Variants in FABP6 observed in about 807,000 individuals in gnomAD.
FABP6 encodes the protein gastrotropin.
FABP6 carries 13 observed loss-of-function variants against 14.9 expected under a neutral mutation model. The ratio of observed to expected loss-of-function variants is 0.87; its 90% CI spans 0.57 to 1.39. The LOEUF (loss-of-function observed/expected upper bound fraction) is 1.39, where lower values mean the gene tolerates loss of function less well. Among genes scored for constraint, FABP6 ranks in the 40% most tolerant of loss-of-function variants. FABP6 has a pLI of 0.00. For missense variants in FABP6, 161 were observed against 167.2 expected (o/e 0.96, Z 0.20); for synonymous variants, 75 against 63.6 (o/e 1.18, Z -0.85).
At chr5:160,201,963 C>T (rs988745394) in intron 2 of FABP6, among the ~76,000 whole-genome samples, 1 of 152,116 alleles carries the variant, frequency 6.6e-6, no homozygotes, top group African/African-American at 2.4e-5. Flanking sequence ...GAGATTTCAC[C>T]ATGTTGCCCA....
At chr5:160,231,371 A>G (rs576681310) in intron 1 of FABP6, among the ~76,000 whole-genome samples, 19 of 152,312 alleles carry the variant, frequency 1.2e-4, no homozygotes, top group African/African-American at 4.3e-4. Context: ...TCTGTAAAAT[A>G]AAAGTATTAG....
At chr5:160,232,442 AC>A (rs1443905824) in intron 2 of FABP6, among the ~76,000 whole-genome samples, 169 bp downstream of exon 2, 13 of 152,316 alleles carry the variant, frequency 8.5e-5, no homozygotes, top group Admixed American at 8.5e-4. Flanking sequence ...TAATGGTCAA[AC>A]ATGGGCACTA....
chr5:160,210,131 C>G (rs1254075442), intron 2 of FABP6, among the ~76,000 whole-genome samples: 3 of 152,126 alleles, frequency 2.0e-5, no homozygotes, highest in Admixed American at 2.0e-4. Context: ...AACATGTGAT[C>G]TAGGTGGAAG....
At chr5:160,232,348 G>T in intron 2 of FABP6, 75 bp downstream of exon 2, 1 of 1,414,690 alleles carries the variant, frequency 7.1e-7, no homozygotes, top group East Asian at 2.6e-5. Flanking sequence ...TGGCCTCCCC[G>T]CTCCCGAGCT....
At chr5:160,224,802 C>CAG (rs57504113), upstream of FABP6, among the ~76,000 whole-genome samples, 90,685 of 148,494 alleles carry the variant, frequency 0.61, 28,054 homozygotes, top group African/African-American at 0.71. Context: ...TTTTTTGAGA[C>CAG]AGTCTTACTC....
At chr5:160,217,405 A>G (rs1760034708) in intron 3 of FABP6, among the ~76,000 whole-genome samples, 1 of 152,138 alleles carries the variant, frequency 6.6e-6, no homozygotes, top group South Asian at 2.1e-4. Context: ...AGACAAGAAG[A>G]AGGGCTGAAT....
intron 1 of FABP6, among the ~76,000 whole-genome samples, chr5:160,194,213 C>A (rs1759463824): frequency 2.6e-5 from 4 of 152,232 alleles, no homozygotes. Context: ...CAAGCCCACG[C>A]CCACCGGCAA....
At chr5:160,192,022 C>T (rs1759404969) in intron 1 of FABP6, among the ~76,000 whole-genome samples, 1 of 151,996 alleles carries the variant, frequency 6.6e-6, no homozygotes, top group Non-Finnish European at 1.5e-5. Context: ...TCAAGCAGTT[C>T]TCCCGCCTTG....
chr5:160,195,153 C>T (rs537089120), intron 1 of FABP6, among the ~76,000 whole-genome samples: 17 of 152,020 alleles, frequency 1.1e-4, no homozygotes, highest in Admixed American at 2.6e-4. Context: ...GGCATGGTGG[C>T]GGGTGCCTAT....
intron 2 of FABP6, among the ~76,000 whole-genome samples, chr5:160,203,209 G>A (rs1759683927): frequency 1.3e-5 from 2 of 152,126 alleles, no homozygotes; most frequent in Admixed American, 6.6e-5. Flanking sequence ...GCCAGAAGCT[G>A]GGCTTCATAG....
At chr5:160,207,898 A>G (rs1234549038) in intron 2 of FABP6, among the ~76,000 whole-genome samples, 1 of 151,850 alleles carries the variant, frequency 6.6e-6, no homozygotes, top group Non-Finnish European at 1.5e-5. Flanking sequence ...TAATTTTTGT[A>G]TTTTTAGTAG....
intron 1 of FABP6, among the ~76,000 whole-genome samples, chr5:160,193,086 G>A (rs1424729900): frequency 2.0e-5 from 3 of 152,252 alleles, no homozygotes; most frequent in Non-Finnish European, 4.4e-5. Context: ...CTGACTTCAA[G>A]AATGAAGCCA....
intron 3 of FABP6, among the ~76,000 whole-genome samples, chr5:160,218,141 G>T (rs1760055134): frequency 6.6e-6 from 1 of 151,868 alleles, no homozygotes; most frequent in Non-Finnish European, 1.5e-5. Context: ...ACAAGTTCTT[G>T]CTGTGTTGCC....
intron 1 of FABP6, among the ~76,000 whole-genome samples, chr5:160,194,729 C>G (rs1187828415): frequency 6.6e-6 from 1 of 152,058 alleles, no homozygotes; most frequent in African/African-American, 2.4e-5. Context: ...CAGGCCTTTC[C>G]TGACCCCTCA....
In FABP6 at chr5:160,191,466, T is replaced by TCAAACAAA. The variant is rs111562373; in HGVS notation, c.-59+4018_-59+4025dup. On this transcript the variant is annotated intron_variant, in intron 1 of 6. Transcript: ENST00000393980. ...TGGGCAACAAGAGTGAAACTCCATC[T>TCAAACAAA]CAAACAAACAAACCCCAAACCTTAC... 6.0e-5 allele frequency among the ~76,000 whole-genome samples: 9 copies of TCAAACAAA among 150,770 alleles called. No homozygotes were observed. The South Asian group carries it at 1.1e-3, about 18-fold the overall frequency.
chr5:160,223,360 TC>T (rs1760170551), intron 3 of FABP6, among the ~76,000 whole-genome samples: 1 of 94,070 alleles, frequency 1.1e-5, no homozygotes, highest in East Asian at 3.6e-4. Context: ...CTTCCTTCCT[TC>T]TTTCCCTCCC....
chr5:160,208,197 C>T (rs1033258244), intron 2 of FABP6, among the ~76,000 whole-genome samples: 9 of 151,920 alleles, frequency 5.9e-5, no homozygotes, highest in African/African-American at 2.2e-4. Flanking sequence ...AATCTGAGCA[C>T]TTTGAAAGGA....
chr5:160,220,669 C>T (rs1755144926), intron 3 of FABP6, among the ~76,000 whole-genome samples: 1 of 151,934 alleles, frequency 6.6e-6, no homozygotes, highest in Non-Finnish European at 1.5e-5. Context: ...TATTAGCCTT[C>T]CCTCATACTC....
chr5:160,233,419 G>A (rs935160189), intron 2 of FABP6, among the ~76,000 whole-genome samples: 8 of 152,104 alleles, frequency 5.3e-5, no homozygotes, highest in African/African-American at 1.7e-4. Context: ...TCACTCCCCT[G>A]AGCCTCATAT....
Sources: allele counts gnomAD v4.1 joint callset (sites outside exome capture counted in the v4.1 genomes callset), GRCh38; gene constraint gnomAD v4.1.1; transcripts MANE v1.5; gene names NCBI Gene and HGNC (gene_info 2026-07-23, HGNC 2026-07-21).